Variants in DARS2 observed in about 807,000 individuals in gnomAD.
The protein encoded by DARS2 is aspartate--tRNA ligase, mitochondrial.
DARS2 carries 63 observed loss-of-function variants against 83.0 expected under a neutral mutation model. That is an observed-to-expected ratio of 0.76 (90% CI 0.62 to 0.94). The LOEUF is 0.94. DARS2 is among the 40% of genes least tolerant of loss of function. The pLI, the probability that DARS2 is intolerant of heterozygous loss-of-function variation, is 0.00. For missense variants in DARS2, 675 were observed against 774.4 expected (o/e 0.87, Z 1.52); for synonymous variants, 250 against 269.3 (o/e 0.93, Z 0.70).
chr1:173,825,666 T>C (rs963822525), intron 1 of DARS2, among the ~76,000 whole-genome samples: 4 of 151,070 alleles, frequency 2.6e-5, no homozygotes, highest in African/African-American at 7.3e-5. Flanking sequence ...AGCCGGGGTT[T>C]CACTGTGTTA....
At chr1:173,844,127 A>G (rs1653331970) in intron 11 of DARS2, among the ~76,000 whole-genome samples, 1 of 152,244 alleles carries the variant, frequency 6.6e-6, no homozygotes, top group Admixed American at 6.5e-5. Flanking sequence ...ACCCCAAAAC[A>G]TCAAACCATG....
intron 7 of DARS2, among the ~76,000 whole-genome samples, chr1:173,835,570 G>T (rs1652973535): frequency 6.6e-6 from 1 of 151,300 alleles, no homozygotes; most frequent in Non-Finnish European, 1.5e-5. Context: ...AAATGGAAAA[G>T]AAAAAAAATT....
Position 173,833,364 on chromosome 1 carries a change from C to T in DARS2, c.493-12C>T, listed in dbSNP as rs774196743. The T allele has an allele frequency of 1.4e-5, 22 of 1,556,050 alleles. No individual in the cohort carries two copies. The Admixed American group carries it at 2.8e-4, about 20-fold the overall frequency. On this transcript the variant is annotated splice_polypyrimidine_tract_variant and intron_variant, in intron 5 of 16. Transcript: ENST00000649689. Reference sequence around the variant, plus strand: ...AAAATATTTAAATATAAAAATCTTTCAATTTCTTTAGAAAACAGAGGCTCT... The same window carrying T: ...AAAATATTTAAATATAAAAATCTTTTAATTTCTTTAGAAAACAGAGGCTCT...
Position 173,839,415 on chromosome 1 carries a change from ATTGAGGGT to A in DARS2, c.893_900del (p.Glu298AlafsTer8). 1 of 1,614,176 alleles carries A rather than the reference ATTGAGGGT, an allele frequency of 6.2e-7. No individual in the cohort carries two copies. The highest frequency in any genetic ancestry group is 8.5e-7 in the Non-Finnish European group (1 of 1,180,028). The stretch of plus-strand genomic sequence containing the variant: ...AGACCAGACTGGGATCCAGAGTTTA[ATTGAGGGT>A]TTGCTCCAGTATTCCTGGCCCAATG... On this transcript the variant is annotated frameshift_variant, in exon 10 of 17. Transcript: ENST00000649689. LOFTEE classifies it high-confidence loss of function.
chr1:173,825,465 A>ATTATTATTATTATTATTC, intron 1 of DARS2, 109 bp downstream of exon 1: 1 of 661,160 alleles, frequency 1.5e-6, no homozygotes, highest in African/African-American at 2.1e-5. Context: ...TATTATTATT[A>ATTATTATTATTATTATTC]TTATTATTAT....
chr1:173,854,048 T>G, intron 15 of DARS2, 143 bp downstream of exon 15: 1 of 721,004 alleles, frequency 1.4e-6, no homozygotes, highest in Non-Finnish European at 2.4e-6. Context: ...CATTCATAGC[T>G]CACTGCAATC....
chr1:173,853,353 C>G lies in DARS2; in HGVS notation c.1349C>G (p.Ser450Cys), dbSNP rs773594902. The G allele has an allele frequency of 1.2e-6, 2 of 1,613,598 alleles. No individual in the cohort carries two copies. Among genetic ancestry groups the G allele is most frequent in the Non-Finnish European group, 1.7e-6 (2 of 1,180,014 alleles). ...LTAGEHNKAC[S>C]LLGKLRLECA... is the part of the protein sequence containing the mutation. ...GTTTACGTCTTCTGTTTGCAGTGCTCTTTGTTAGGAAAATTACGACTGGAA... is the reference window on the plus strand; with the variant it reads ...GTTTACGTCTTCTGTTTGCAGTGCTGTTTGTTAGGAAAATTACGACTGGAA... Residue 450 changes from serine to cysteine, a missense_variant, in exon 14 of 17, where the codon TCT becomes TGT. Ser to Cys is a moderately radical substitution (Grantham distance 112). Coordinates refer to ENST00000649689, the MANE Select transcript of DARS2 (RefSeq NM_018122.5).
rs1180164100 is a variant in DARS2, at chr1:173,855,903, T to G, written c.1675-763T>G. Among the ~76,000 whole-genome samples the G allele has an allele frequency of 4.0e-5, 6 of 151,730 alleles. No homozygotes were observed. The East Asian group carries it at 9.7e-4, about 25-fold the overall frequency. Reference sequence around the variant, plus strand: ...CTTGAACCCCCAATCTCAGGTGATCTGCCTGCATCGGCCTCCCAAAGTGCT... The same window carrying G: ...CTTGAACCCCCAATCTCAGGTGATCGGCCTGCATCGGCCTCCCAAAGTGCT... On this transcript the variant is annotated intron_variant, in intron 15 of 16. Transcript: ENST00000649689.
intron 5 of DARS2, among the ~76,000 whole-genome samples, chr1:173,832,025 A>G (rs1054423063): frequency 6.6e-6 from 1 of 152,218 alleles, no homozygotes; most frequent in Non-Finnish European, 1.5e-5. Flanking sequence ...TGCTTAGAGC[A>G]ACGCTTGACC....
intron 4 of DARS2, 98 bp downstream of exon 4, chr1:173,830,859 A>G (rs575445234): frequency 3.4e-6 from 3 of 871,416 alleles, no homozygotes; most frequent in South Asian, 1.4e-5. Flanking sequence ...ATTAGGCACT[A>G]AAGTTGAATA....
chr1:173,835,616 GAC>G lies in DARS2; in HGVS notation c.663+1099_663+1100del, dbSNP rs554540886. On this transcript the variant is annotated intron_variant, in intron 7 of 16. Coordinates refer to ENST00000649689, the MANE Select transcript of DARS2 (RefSeq NM_018122.5). ...ACAAATCTCTTATATATTAAAAATTGACATTTTTCGGCCAGGCACAGTGGCTC... is the reference window on the plus strand; with the variant it reads ...ACAAATCTCTTATATATTAAAAATTGATTTTTCGGCCAGGCACAGTGGCTC... Among the ~76,000 whole-genome samples the G allele has an allele frequency of 7.8e-3, 1,192 of 151,858 alleles. 9 individuals carry two copies. Among genetic ancestry groups the G allele is most frequent in the Non-Finnish European group, 0.013 (884 of 67,912 alleles).
intron 2 of DARS2, among the ~76,000 whole-genome samples, chr1:173,827,521 C>T (rs1652628929): frequency 6.6e-6 from 1 of 152,060 alleles, no homozygotes; most frequent in African/African-American, 2.4e-5. Context: ...ATTCTAGCTA[C>T]TCAGGAGGCT....
Position 173,825,210 on chromosome 1 carries a change from C to A in DARS2, c.-20C>A. The A allele has an allele frequency of 6.2e-7, 1 of 1,609,136 alleles. No homozygotes were observed. Among genetic ancestry groups the A allele is most frequent in the Non-Finnish European group, 8.5e-7 (1 of 1,176,812 alleles). ...AGCGTGGGATTTCGTGATTGTTTTTCGCCATCGTGTGGCTCCAACATGTAC... is the reference window on the plus strand; with the variant it reads ...AGCGTGGGATTTCGTGATTGTTTTTAGCCATCGTGTGGCTCCAACATGTAC... On this transcript the variant is annotated 5_prime_UTR_variant, in exon 1 of 17. Coordinates refer to ENST00000649689, the MANE Select transcript of DARS2 (RefSeq NM_018122.5).
At chr1:173,841,007 T>G in intron 11 of DARS2, 34 bp downstream of exon 11, 1 of 1,243,682 alleles carries the variant, frequency 8.0e-7, no homozygotes, top group Non-Finnish European at 1.2e-6. Flanking sequence ...TTCTCTAGAA[T>G]GTATGCTTTG....
intron 3 of DARS2, 145 bp from the exon 4 acceptor site, chr1:173,830,515 G>A (rs1652756515): frequency 1.4e-6 from 1 of 694,948 alleles, no homozygotes; most frequent in East Asian, 2.8e-5. Flanking sequence ...ACTAAATTTG[G>A]TAATAAAGTC....
Position 173,840,890 on chromosome 1 carries a change from A to G in DARS2, c.1045A>G (p.Arg349Gly), listed in dbSNP as rs1299207754. 1 of 1,606,574 alleles carries G rather than the reference A, an allele frequency of 6.2e-7. No individual in the cohort carries two copies. The highest frequency in any genetic ancestry group is 1.7e-5 in the Admixed American group (1 of 60,010). ...GATTATAGATATCAGTGATGTGTTT[A>G]GAAACACAGAGATTGGATTTCTTCA... is the stretch of plus-strand genomic sequence containing the variant. ...MKIIDISDVF[R>G]NTEIGFLQDA... Residue 349 changes from arginine (R) to glycine (G), a missense_variant, in exon 11 of 17, where the codon AGA (arginine) becomes GGA (glycine). Coordinates refer to ENST00000649689, the MANE Select transcript of DARS2 (RefSeq NM_018122.5).
At chr1:173,850,549 G>T in intron 13 of DARS2, 70 bp downstream of exon 13, 4 of 1,402,638 alleles carry the variant, frequency 2.9e-6, no homozygotes, top group Non-Finnish European at 3.9e-6. Context: ...TATGTATATA[G>T]TATACGTTTG....
intron 7 of DARS2, among the ~76,000 whole-genome samples, 169 bp downstream of exon 7, chr1:173,834,688 A>G (rs1057300402): frequency 2.1e-5 from 3 of 145,264 alleles, no homozygotes; most frequent in Non-Finnish European, 4.5e-5. Context: ...TTTGAGTCAG[A>G]ATCATTTTAT....
intron 3 of DARS2, 41 bp downstream of exon 3, chr1:173,828,440 A>T: frequency 6.4e-7 from 1 of 1,559,750 alleles, no homozygotes; most frequent in South Asian, 1.1e-5. Flanking sequence ...AGCTTCTTTG[A>T]TGCTATTGCT....
Sources: gnomAD v4.1 joint callset for allele counts (sites outside exome capture counted in the v4.1 genomes callset) on GRCh38, gnomAD v4.1.1 for gene constraint, MANE v1.5 for transcripts, NCBI Gene and HGNC (gene_info 2026-07-23, HGNC 2026-07-21) for gene names.